Variants in KIF3A observed in about 807,000 individuals in gnomAD.
The protein encoded by KIF3A is kinesin family member 3A, also known as kinesin-like protein KIF3A.
In KIF3A, 27 loss-of-function variants were observed where a neutral mutation model predicts 92.6. The ratio of observed to expected loss-of-function variants is 0.29; its 90% CI spans 0.21 to 0.40. The LOEUF (loss-of-function observed/expected upper bound fraction) is 0.40, where lower values mean the gene tolerates loss of function less well. Ranked by LOEUF, KIF3A falls within the 10% of genes least tolerant of loss-of-function variation. The pLI is 1.00. For missense variants in KIF3A, 581 were observed against 872.6 expected, an observed-to-expected ratio of 0.67 and a Z score of 4.21; for synonymous variants, 250 against 275.4, an observed-to-expected ratio of 0.91 and a Z score of 0.92.
chr5:132,702,606 G>T lies in KIF3A; in HGVS notation c.1710C>A (p.Thr570=). The change falls in exon 14 of 19, where the codon ACC becomes ACA. Residue 570 remains threonine, a synonymous_variant. Coordinates refer to ENST00000403231, the MANE Select transcript of KIF3A (RefSeq NM_001300791.2). ...TSLQEEAQGK[T]KKLKKVWTML... ...TAGTCCAAACTTTCTTTAACTTCTT[G>T]GTCTTTCCCTGTGCTTCCTCTTGCA... 6.2e-7 allele frequency: 1 copy of T among 1,612,982 alleles called. No individual in the cohort carries two copies. Among genetic ancestry groups the T allele is most frequent in the South Asian group, 1.1e-5 (1 of 90,962 alleles).
At chr5:132,713,804 C>T (rs898908168) in intron 8 of KIF3A, among the ~76,000 whole-genome samples, 2 of 150,262 alleles carry the variant, frequency 1.3e-5, no homozygotes, top group Non-Finnish European at 3.0e-5. Context: ...AGTCCTGATA[C>T]ATTCTACAAC....
At chr5:132,723,553 G>C (rs1753899334) in intron 4 of KIF3A, 1 of 152,186 alleles carries the variant, frequency 6.6e-6, no homozygotes, top group South Asian at 2.1e-4. Context: ...ATGGGGAAAG[G>C]ATTCCCTATT....
intron 5 of KIF3A, among the ~76,000 whole-genome samples, chr5:132,718,211 G>A (rs1753699613): frequency 6.6e-6 from 1 of 152,168 alleles, no homozygotes; most frequent in Admixed American, 6.5e-5. Flanking sequence ...GGGTAAGGCA[G>A]TACATACATA....
rs1333761568 is a variant in KIF3A, at chr5:132,693,810, T to TA, written c.*2823dup. The stretch of plus-strand genomic sequence containing the variant: ...GGCCAACATGGTGAAACCCGGTCTC[T>TA]ACTAAAAAAAAAATACAAAAATTAG... On this transcript the variant is annotated 3_prime_UTR_variant, in exon 19 of 19. Coordinates refer to ENST00000403231, the MANE Select transcript of KIF3A (RefSeq NM_001300791.2). 4.0e-5 allele frequency: 6 copies of TA among 151,462 alleles called. No individual in the cohort carries two copies. The highest frequency in any genetic ancestry group is 1.2e-4 in the African/African-American group (5 of 41,250). The allele number at this position is 151,462 out of a possible 1,614,324, so 9.4% of individuals were successfully genotyped here. A position where few individuals can be genotyped will look rare whatever the true frequency, so the allele number is the denominator to read the frequency against.
downstream of KIF3A, among the ~76,000 whole-genome samples, chr5:132,690,778 T>C (rs1392051988): frequency 6.6e-6 from 1 of 151,736 alleles, no homozygotes; most frequent in African/African-American, 2.4e-5. Context: ...ATACAAAAAA[T>C]TAGCCGGGCG....
At chr5:132,703,823 ACTGTTGTC>A in intron 11 of KIF3A, among the ~76,000 whole-genome samples, 1 of 152,092 alleles carries the variant, frequency 6.6e-6, no homozygotes, top group Non-Finnish European at 1.5e-5. Flanking sequence ...CTAAATTCAA[ACTGTTGTC>A]CAATTGTACA....
chr5:132,728,911 A>G (rs1754131242), intron 2 of KIF3A, among the ~76,000 whole-genome samples: 2 of 152,160 alleles, frequency 1.3e-5, no homozygotes, highest in Admixed American at 1.3e-4. Context: ...GTGAGACCCC[A>G]TCTCTACAAA....
chr5:132,728,629 C>T (rs1461500127), intron 2 of KIF3A, among the ~76,000 whole-genome samples: 1 of 151,780 alleles, frequency 6.6e-6, no homozygotes, highest in Admixed American at 6.6e-5. Flanking sequence ...CCCAGCTACT[C>T]GGGAAGGTGA....
At chr5:132,724,165 G>A (rs1753922984) in intron 4 of KIF3A, among the ~76,000 whole-genome samples, 1 of 152,210 alleles carries the variant, frequency 6.6e-6, no homozygotes, top group Admixed American at 6.5e-5. Context: ...TGGAGAGGAT[G>A]TGGAGAAACA....
At chr5:132,714,666 T>C (rs1409435810) in intron 8 of KIF3A, among the ~76,000 whole-genome samples, 2 of 152,050 alleles carry the variant, frequency 1.3e-5, no homozygotes, top group Admixed American at 6.6e-5. Flanking sequence ...GCATTTCTGT[T>C]TGGGATGATG....
chr5:132,724,806 A>AAAAAAATTAT (rs59476182), intron 4 of KIF3A, among the ~76,000 whole-genome samples: 371 of 22,644 alleles, frequency 0.016, 30 homozygotes, highest in East Asian at 0.068. Flanking sequence ...AAAAAAAAAA[A>AAAAAAATTAT]ATATATATAT....
intron 2 of KIF3A, among the ~76,000 whole-genome samples, chr5:132,730,786 CCT>C (rs1230285452): frequency 2.0e-5 from 3 of 151,864 alleles, no homozygotes; most frequent in Admixed American, 2.0e-4. Context: ...AGAGTGAGAC[CCT>C]GTTTCAAGAA....
chr5:132,703,765 T>C, intron 11 of KIF3A, 146 bp from the exon 12 acceptor site: 1 of 588,068 alleles, frequency 1.7e-6, no homozygotes, highest in Non-Finnish European at 2.9e-6. Flanking sequence ...AAACCAATAA[T>C]ATCATGCATT....
At chr5:132,728,276 A>C (rs1754104603) in intron 2 of KIF3A, among the ~76,000 whole-genome samples, 1 of 152,108 alleles carries the variant, frequency 6.6e-6, no homozygotes, top group African/African-American at 2.4e-5. Context: ...ATCATAGCTC[A>C]CTGCAGCCTC....
chr5:132,709,058 C>T lies in KIF3A; in HGVS notation c.1229-80G>A, dbSNP rs968692489. Reference sequence around the variant, plus strand: ...ATGAACACACACACAGAGAAAAATTCAGTTTTCAGAGAAAAAAATTTTAAA... The same window carrying T: ...ATGAACACACACACAGAGAAAAATTTAGTTTTCAGAGAAAAAAATTTTAAA... On this transcript the variant is annotated intron_variant, in intron 9 of 18. Coordinates refer to ENST00000403231, the MANE Select transcript of KIF3A (RefSeq NM_001300791.2). The T allele has an allele frequency of 3.5e-6, 4 of 1,148,368 alleles. No homozygotes were observed. In the African/African-American group the frequency reaches 6.3e-5, roughly 18 times the overall value. 71.1% of individuals were successfully genotyped at this position (1,148,368 alleles called of 1,614,324 possible). A position where few individuals can be genotyped will look rare whatever the true frequency, so the allele number is the denominator to read the frequency against.
rs1329130287 is a variant in KIF3A at position 132,696,417 on chromosome 5, T to C, written c.*217A>G. 7 of 496,962 alleles carry C rather than the reference T, an allele frequency of 1.4e-5. No individual in the cohort carries two copies. Among genetic ancestry groups the C allele is most frequent in the Non-Finnish European group, 1.1e-5 (3 of 275,460 alleles). The allele number at this position is 496,962 out of a possible 1,614,324, so 30.8% of individuals were successfully genotyped here. The stretch of plus-strand genomic sequence containing the variant: ...GCACAGTACAATTGAAGAGTAGTAG[T>C]ACAACAATTTGAACAATCACCAGTT... On this transcript the variant is annotated 3_prime_UTR_variant, in exon 19 of 19. Transcript: ENST00000403231.
In KIF3A at chr5:132,699,294, G is replaced by T; in HGVS notation, c.2009C>A (p.Pro670His). Residue 670 changes from proline to histidine, a missense_variant and splice_region_variant, in exon 18 of 19, where the codon CCC (proline) becomes CAC (histidine). Physicochemically the swap from Pro to His is moderately conservative, Grantham distance 77. Around this residue, in one of 5 missense-constraint regions of KIF3A, gnomAD observed 112 missense variants for 144.3 expected, o/e 0.78. Transcript: ENST00000403231. ...CACGTGAGAAAGGTCCACCTCAAAG[G>T]GCTAAGTAAAAGAAACAAACACAAA... The part of the protein sequence containing the change: ...TPVPDKKEKD[P>H]FEVDLSHVYL... 6 of 1,612,498 alleles carry T rather than the reference G, an allele frequency of 3.7e-6. No homozygotes were observed. The South Asian group carries it at 5.5e-5, about 15-fold the overall frequency.
At chr5:132,731,988 G>A (rs1327798556) in intron 2 of KIF3A, among the ~76,000 whole-genome samples, 3 of 152,148 alleles carry the variant, frequency 2.0e-5, no homozygotes, top group East Asian at 1.9e-4. Context: ...GATTACAGGC[G>A]TGAGCCACTG....
chr5:132,712,670 G>A (rs375445009), intron 8 of KIF3A, among the ~76,000 whole-genome samples: 1 of 152,202 alleles, frequency 6.6e-6, no homozygotes, highest in Non-Finnish European at 1.5e-5. Context: ...CAAGATACAT[G>A]TTAATTACGA....
Sources: gnomAD v4.1 joint callset for allele counts (sites outside exome capture counted in the v4.1 genomes callset) on GRCh38, gnomAD v4.1.1 for gene constraint, gnomAD v4.1.1 regional missense constraint, MANE v1.5 for transcripts, NCBI Gene and HGNC (gene_info 2026-07-23, HGNC 2026-07-21) for gene names.